The following CNTNAP2 variants were observed in gnomAD, a reference collection of about 807,000 sequenced individuals.
CNTNAP2 encodes the protein contactin associated protein 2.
Under a neutral mutation model 155.2 loss-of-function variants are expected in CNTNAP2, and 98 were observed. That is an observed-to-expected ratio of 0.63 (90% CI 0.54 to 0.75). The LOEUF is 0.75. Among genes scored for constraint, CNTNAP2 ranks in the 30% least tolerant of loss-of-function variants. The probability of loss-of-function intolerance (pLI) is 0.00; values close to 1 mark genes in which losing one functional copy is unlikely to be tolerated. For missense variants in CNTNAP2, 1,727 were observed against 1,688.1 expected, an observed-to-expected ratio of 1.02 and a Z score of -0.40; for synonymous variants, 651 against 631.2, an observed-to-expected ratio of 1.03 and a Z score of -0.47.
intron 11 of CNTNAP2, among the ~76,000 whole-genome samples, chr7:147,492,613 A>C (rs1438550654): frequency 6.6e-6 from 1 of 152,220 alleles, no homozygotes; most frequent in Non-Finnish European, 1.5e-5. Flanking sequence ...ATGTCAAACC[A>C]TCAGATCCTT....
intron 1 of CNTNAP2, among the ~76,000 whole-genome samples, chr7:146,679,202 T>C (rs7788776): frequency 0.11 from 16,569 of 152,048 alleles, 1,484 homozygotes; most frequent in African/African-American, 0.24. Flanking sequence ...ATTGTTCCCT[T>C]TATGTGCCCA....
In CNTNAP2 at chr7:148,394,004, T is replaced by C. The variant is rs917395914; in HGVS notation, c.3715+10116T>C. ...TTTTCCTTGTTTCATCTCAATTTTT[T>C]TGAATTTATGGGATTTTTTTTTCCA... On this transcript the variant is annotated intron_variant, in intron 22 of 23. Coordinates refer to ENST00000361727, the MANE Select transcript of CNTNAP2 (RefSeq NM_014141.6). Among the ~76,000 whole-genome samples, 6 of 152,014 alleles carry C rather than the reference T, an allele frequency of 3.9e-5. 1 individual carries two copies. The highest frequency in any genetic ancestry group is 6.8e-3 in the Middle Eastern group (2 of 292).
chr7:146,583,892 G>A (rs1798649137), intron 1 of CNTNAP2, among the ~76,000 whole-genome samples: 1 of 152,084 alleles, frequency 6.6e-6, no homozygotes, highest in Non-Finnish European at 1.5e-5. Context: ...TTGTACTAGA[G>A]CTGGTTTTAC....
intron 1 of CNTNAP2, among the ~76,000 whole-genome samples, chr7:146,754,264 G>T (rs1302799732): frequency 6.6e-6 from 1 of 151,958 alleles, no homozygotes. Flanking sequence ...TAAAGAAAAT[G>T]GTTGAAACTC....
intron 15 of CNTNAP2, among the ~76,000 whole-genome samples, chr7:148,026,054 C>CAG (rs1360579363): frequency 1.3e-5 from 2 of 152,160 alleles, no homozygotes; most frequent in Non-Finnish European, 2.9e-5. Flanking sequence ...AAGGCAAGGG[C>CAG]AGAGGTTGGA....
intron 16 of CNTNAP2, among the ~76,000 whole-genome samples, chr7:148,129,611 T>C (rs559067692): frequency 4.6e-5 from 7 of 152,288 alleles, no homozygotes; most frequent in African/African-American, 1.4e-4. Flanking sequence ...AAATCTTGAA[T>C]GACAAAAAAG....
intron 4 of CNTNAP2, among the ~76,000 whole-genome samples, chr7:147,090,830 C>T (rs145960590): frequency 9.2e-4 from 140 of 151,912 alleles, no homozygotes; most frequent in African/African-American, 2.9e-3. Flanking sequence ...GTCCAGTCAC[C>T]CGTGAAAGCG....
At chr7:147,622,065 G>C (rs953262306) in intron 12 of CNTNAP2, among the ~76,000 whole-genome samples, 1 of 151,956 alleles carries the variant, frequency 6.6e-6, no homozygotes, top group African/African-American at 2.4e-5. Flanking sequence ...TGATAAAGGT[G>C]TCATTTCAGC....
chr7:147,555,459 T>A (rs1799934982), intron 11 of CNTNAP2, among the ~76,000 whole-genome samples: 1 of 152,170 alleles, frequency 6.6e-6, no homozygotes, highest in African/African-American at 2.4e-5. Flanking sequence ...GCCTCCAGTA[T>A]AAAAGAGCAG....
intron 2 of CNTNAP2, among the ~76,000 whole-genome samples, chr7:146,827,844 C>A (rs961498876): frequency 6.6e-6 from 1 of 151,854 alleles, no homozygotes; most frequent in South Asian, 2.1e-4. Context: ...CCTCAGTCTT[C>A]CTTACAGGGG....
intron 1 of CNTNAP2, among the ~76,000 whole-genome samples, chr7:146,455,603 T>C (rs1796544132): frequency 6.6e-6 from 1 of 152,220 alleles, no homozygotes; most frequent in South Asian, 2.1e-4. Flanking sequence ...CTATACATAA[T>C]GTTTATAATT....
Position 147,622,680 on chromosome 7 carries a change from A to G in CNTNAP2, c.1898-16426A>G, listed in dbSNP as rs1045210318. Among the ~76,000 whole-genome samples, 6 of 152,044 alleles carry G rather than the reference A, an allele frequency of 3.9e-5. No individual in the cohort carries two copies. In the South Asian group the frequency reaches 8.3e-4, roughly 21 times the overall value. ...TAGCTATAACTGTCTACATCAAAAAAGAAGAAAAACTTCAAATAACCTAAT... is the reference window on the plus strand; with the variant it reads ...TAGCTATAACTGTCTACATCAAAAAGGAAGAAAAACTTCAAATAACCTAAT... On this transcript the variant is annotated intron_variant, in intron 12 of 23. Coordinates refer to ENST00000361727, the MANE Select transcript of CNTNAP2 (RefSeq NM_014141.6).
chr7:146,405,602 T>C (rs905229929), intron 1 of CNTNAP2, among the ~76,000 whole-genome samples: 2 of 152,178 alleles, frequency 1.3e-5, no homozygotes, highest in African/African-American at 4.8e-5. Context: ...AGAGAGAACA[T>C]GATTAAGAAA....
intron 14 of CNTNAP2, among the ~76,000 whole-genome samples, chr7:147,910,890 G>A (rs1185674007): frequency 6.6e-6 from 1 of 152,122 alleles, no homozygotes; most frequent in Non-Finnish European, 1.5e-5. Context: ...TGTAAGTTCT[G>A]TATAAATTTT....
At chr7:148,276,064 G>T (rs2116852947) in intron 21 of CNTNAP2, among the ~76,000 whole-genome samples, 1 of 152,244 alleles carries the variant, frequency 6.6e-6, no homozygotes, top group Middle Eastern at 3.4e-3. Flanking sequence ...ATCAAAGGCG[G>T]CTTTACCAGC....
intron 8 of CNTNAP2, among the ~76,000 whole-genome samples, chr7:147,229,328 G>A (rs991791849): frequency 5.9e-5 from 9 of 152,232 alleles, no homozygotes; most frequent in Admixed American, 4.6e-4. Context: ...TAACTCAACT[G>A]TTTCAAAACT....
Position 148,196,530 on chromosome 7 carries a change from A to G in CNTNAP2, c.3011-20758A>G, listed in dbSNP as rs553429916. Among the ~76,000 whole-genome samples, 8 of 152,260 alleles carry G rather than the reference A, an allele frequency of 5.3e-5. No individual in the cohort carries two copies. The South Asian group carries it at 1.7e-3, about 32-fold the overall frequency. The stretch of plus-strand genomic sequence containing the variant: ...CTGGCAGGCTTACAGCTGGGACCAG[A>G]GGGGTCCAGCAATGATAACAGCTCC... On this transcript the variant is annotated intron_variant, in intron 18 of 23. Coordinates refer to ENST00000361727, the MANE Select transcript of CNTNAP2 (RefSeq NM_014141.6).
At chr7:147,914,602 C>A (rs550074374) in intron 14 of CNTNAP2, among the ~76,000 whole-genome samples, 13 of 151,868 alleles carry the variant, frequency 8.6e-5, no homozygotes, top group Non-Finnish European at 1.6e-4. Flanking sequence ...ACTGTGTTGC[C>A]CCAGCTGAAA....
intron 1 of CNTNAP2, among the ~76,000 whole-genome samples, chr7:146,511,960 G>A (rs1584957737): frequency 6.6e-6 from 1 of 151,950 alleles, no homozygotes; most frequent in South Asian, 2.1e-4. Flanking sequence ...TTCAATATTG[G>A]TCTGTTCAGA....
Sources: allele counts gnomAD v4.1 joint callset (sites outside exome capture counted in the v4.1 genomes callset), GRCh38; gene constraint gnomAD v4.1.1; transcripts MANE v1.5; gene names NCBI Gene and HGNC (gene_info 2026-07-23, HGNC 2026-07-21).